The following LVRN variants were observed in gnomAD, a reference collection of about 807,000 sequenced individuals.
LVRN encodes the protein aminopeptidase Q.
In LVRN, 99 loss-of-function variants were observed where a neutral mutation model predicts 111.4. The observed-to-expected ratio is 0.89, with a 90% CI of 0.76 to 1.05. The LOEUF is 1.05. Among genes scored for constraint, LVRN ranks in the 50% least tolerant of loss-of-function variants. The probability of loss-of-function intolerance (pLI) is 0.00; values close to 1 mark genes in which losing one functional copy is unlikely to be tolerated. For synonymous variants in LVRN, 488 were observed against 449.5 expected, an observed-to-expected ratio of 1.09 and a Z score of -1.08; for missense variants, 1,414 against 1,206.8, an observed-to-expected ratio of 1.17 and a Z score of -2.54.
chr5:116,022,435 G>T lies in LVRN; in HGVS notation c.2801G>T (p.Arg934Ile). Residue 934 changes from arginine to isoleucine, a missense_variant, in exon 19 of 20, where the codon AGA (arginine) becomes ATA (isoleucine). Physicochemically the swap from Arg to Ile is moderately conservative, Grantham distance 97 (BLOSUM62 -3). Coordinates refer to ENST00000357872, the MANE Select transcript of LVRN (RefSeq NM_173800.5). ...ATTAATCTAATATATACAATAGGGA[G>T]AACCGTAACTACAGATTTACAGATT... is the stretch of plus-strand genomic sequence containing the variant. ...SLINLIYTIG[R>I]TVTTDLQIVE... The T allele has an allele frequency of 6.4e-7, 1 of 1,563,472 alleles. No individual in the cohort carries two copies. Among genetic ancestry groups the T allele is most frequent in the Admixed American group, 1.8e-5 (1 of 54,200 alleles).
At chr5:115,970,342 G>A (rs1193822798) in intron 1 of LVRN, among the ~76,000 whole-genome samples, 3 of 150,166 alleles carry the variant, frequency 2.0e-5, no homozygotes, top group Admixed American at 6.6e-5. Context: ...GTACTCTCAT[G>A]TCTAACTTCT....
At chr5:116,011,666 A>T (rs1187663965) in intron 14 of LVRN, among the ~76,000 whole-genome samples, 1 of 152,148 alleles carries the variant, frequency 6.6e-6, no homozygotes, top group African/African-American at 2.4e-5. Flanking sequence ...CGAAGTACCA[A>T]TGGGAATTAA....
chr5:116,009,873 A>C (rs879815456), intron 13 of LVRN, among the ~76,000 whole-genome samples: 11 of 152,226 alleles, frequency 7.2e-5, no homozygotes, highest in Non-Finnish European at 1.2e-4. Flanking sequence ...AGGATTGAGA[A>C]TATTACGTAT....
At chr5:116,008,112 C>T (rs1203147956) in intron 13 of LVRN, among the ~76,000 whole-genome samples, 7 of 151,998 alleles carry the variant, frequency 4.6e-5, no homozygotes, top group Admixed American at 2.0e-4. Context: ...GAGGCCGAGG[C>T]GGGTGGATCA....
intron 18 of LVRN, among the ~76,000 whole-genome samples, chr5:116,018,294 T>G (rs749881484): frequency 1.3e-5 from 2 of 152,224 alleles, no homozygotes; most frequent in Non-Finnish European, 2.9e-5. Context: ...TACTTTCTCC[T>G]AAGTAAGAAA....
chr5:116,009,932 A>G (rs1457970873), intron 13 of LVRN, among the ~76,000 whole-genome samples: 1 of 152,228 alleles, frequency 6.6e-6, no homozygotes, highest in African/African-American at 2.4e-5. Context: ...ATTGACTCCA[A>G]TTTTGAAAGA....
At chr5:115,974,424 C>G (rs1753392759) in intron 1 of LVRN, 1 of 152,126 alleles carries the variant, frequency 6.6e-6, no homozygotes, top group African/African-American at 2.4e-5. Flanking sequence ...CTAACAAAAC[C>G]TAGTTTATGA....
In LVRN at chr5:115,963,241, C is replaced by T. The variant is rs1182626431; in HGVS notation, c.624C>T (p.Phe208=). ...PGSSYELQLS[F]SGLVKEDLRE... is the part of the protein sequence containing the mutation. ...GCAGCTACGAGCTGCAGCTTAGCTT[C>T]TCGGGCCTGGTGAAGGAAGACCTCA... Residue 208 remains phenylalanine, a synonymous_variant, in exon 1 of 20, where the codon TTC becomes TTT. Transcript: ENST00000357872. 6.2e-7 allele frequency: 1 copy of T among 1,612,880 alleles called. No homozygotes were observed. The highest frequency in any genetic ancestry group is 1.1e-5 in the South Asian group (1 of 90,918).
intron 4 of LVRN, among the ~76,000 whole-genome samples, chr5:115,990,360 A>C (rs965383732): frequency 1.3e-5 from 2 of 152,208 alleles, no homozygotes; most frequent in Non-Finnish European, 2.9e-5. Context: ...TTGATAATTA[A>C]TGATGAACAT....
intron 1 of LVRN, among the ~76,000 whole-genome samples, chr5:115,972,993 A>G (rs1753360155): frequency 6.6e-6 from 1 of 151,906 alleles, no homozygotes; most frequent in Non-Finnish European, 1.5e-5. Context: ...CAGTGGTGCA[A>G]TCACAGCTCA....
Position 116,000,418 on chromosome 5 carries a change from C to A in LVRN, c.1516-15C>A, listed in dbSNP as rs371847758. The A allele has an allele frequency of 3.1e-4, 507 of 1,613,476 alleles. No individual in the cohort carries two copies. Among genetic ancestry groups the A allele is most frequent in the Non-Finnish European group, 4.0e-4 (475 of 1,179,530 alleles). On this transcript the variant is annotated splice_polypyrimidine_tract_variant and intron_variant, in intron 7 of 19. Transcript: ENST00000357872. ...TGAATTTTGTTCAAATAATGGACAG[C>A]TTCTTTTGTCCTAGGGAGCGTCTAT... is the stretch of plus-strand genomic sequence containing the variant.
At chr5:115,988,354 C>A in intron 4 of LVRN, among the ~76,000 whole-genome samples, 1 of 151,200 alleles carries the variant, frequency 6.6e-6, no homozygotes, top group African/African-American at 2.4e-5. Flanking sequence ...TTTAAATATC[C>A]ATTAGCTGTG....
intron 1 of LVRN, among the ~76,000 whole-genome samples, chr5:115,964,610 T>G (rs1753164072): frequency 6.6e-6 from 1 of 152,126 alleles, no homozygotes; most frequent in African/African-American, 2.4e-5. Flanking sequence ...TTTTTTTTTT[T>G]TCTTGCTGTA....
chr5:115,976,949 G>A (rs1031358088), intron 1 of LVRN, among the ~76,000 whole-genome samples: 1 of 151,998 alleles, frequency 6.6e-6, no homozygotes, highest in African/African-American at 2.4e-5. Context: ...GCTACTTTAG[G>A]CCACTACTCA....
intron 1 of LVRN, among the ~76,000 whole-genome samples, chr5:115,979,556 G>A (rs969377926): frequency 1.3e-5 from 2 of 152,098 alleles, no homozygotes; most frequent in African/African-American, 4.8e-5. Flanking sequence ...AGGTTCTCAA[G>A]GCCATTTATT....
chr5:115,987,950 C>G lies in LVRN; in HGVS notation c.1105+11C>G. Reference sequence around the variant, plus strand: ...CTCTTCCAAAAACAGGTGAGGTAATCTTTTCCTTTCAGTGCATTTGGTTTC... The same window carrying G: ...CTCTTCCAAAAACAGGTGAGGTAATGTTTTCCTTTCAGTGCATTTGGTTTC... On this transcript the variant is annotated intron_variant, in intron 4 of 19. Coordinates refer to ENST00000357872, the MANE Select transcript of LVRN (RefSeq NM_173800.5). 1 of 1,605,806 alleles carries G rather than the reference C, an allele frequency of 6.2e-7. No homozygotes were observed. Among genetic ancestry groups the G allele is most frequent in the Non-Finnish European group, 8.5e-7 (1 of 1,177,352 alleles).
rs1291695578 is a variant in LVRN at position 115,970,471 on chromosome 5, C to T, written c.695+7159C>T. ...AATCTCAGCTCACTGCAACCTCCAC[C>T]TCATGGGTTCAAGCGATTCCCCTGC... On this transcript the variant is annotated intron_variant, in intron 1 of 19. Transcript: ENST00000357872. Among the ~76,000 whole-genome samples the T allele has an allele frequency of 5.9e-5, 9 of 151,540 alleles. 1 individual carries two copies. The highest frequency in any genetic ancestry group is 5.9e-4 in the Admixed American group (9 of 15,194).
At chr5:115,968,067 C>G (rs1179191242) in intron 1 of LVRN, among the ~76,000 whole-genome samples, 2 of 152,172 alleles carry the variant, frequency 1.3e-5, no homozygotes, top group African/African-American at 4.8e-5. Flanking sequence ...TTCAATCTAT[C>G]TGCCATTTAT....
At chr5:115,966,623 G>C (rs949397528) in intron 1 of LVRN, among the ~76,000 whole-genome samples, 1 of 152,172 alleles carries the variant, frequency 6.6e-6, no homozygotes, top group African/African-American at 2.4e-5. Context: ...ACTTGTACAG[G>C]TTTTTGTGTG....
Sources: gnomAD v4.1 joint callset for allele counts (sites outside exome capture counted in the v4.1 genomes callset) on GRCh38, gnomAD v4.1.1 for gene constraint, MANE v1.5 for transcripts, NCBI Gene and HGNC (gene_info 2026-07-23, HGNC 2026-07-21) for gene names.